PLXNA4: variants seen among roughly 807,000 people sequenced by gnomAD.
PLXNA4 encodes the protein plexin A4.
In PLXNA4, 44 loss-of-function variants were observed where a neutral mutation model predicts 191.8. The observed-to-expected ratio is 0.23, with a 90% CI of 0.18 to 0.29. The LOEUF (loss-of-function observed/expected upper bound fraction) is 0.29. Among genes scored for constraint, PLXNA4 ranks in the 10% least tolerant of loss-of-function variants. PLXNA4 has a pLI of 1.00. For missense variants in PLXNA4, 1,800 were observed against 2,488.8 expected, an observed-to-expected ratio of 0.72 and a Z score of 5.89; for synonymous variants, 1,082 against 1,009.5, an observed-to-expected ratio of 1.07 and a Z score of -1.36.
At chr7:132,229,900 C>A (rs536207620) in intron 5 of PLXNA4, among the ~76,000 whole-genome samples, 5 of 152,136 alleles carry the variant, frequency 3.3e-5, no homozygotes, top group African/African-American at 1.2e-4. Context: ...CTCCTCCTAA[C>A]CTTTGGCCAC....
chr7:132,256,963 G>A (rs1054792459), intron 4 of PLXNA4, among the ~76,000 whole-genome samples: 1 of 152,236 alleles, frequency 6.6e-6, no homozygotes, highest in Non-Finnish European at 1.5e-5. Context: ...CACAGCCATG[G>A]TTGCCTATGA....
intron 3 of PLXNA4, among the ~76,000 whole-genome samples, chr7:132,486,037 C>T (rs1233867625): frequency 6.6e-6 from 1 of 152,182 alleles, no homozygotes; most frequent in African/African-American, 2.4e-5. Flanking sequence ...AGCATCCCCC[C>T]AAGCTCTCTC....
intron 1 of PLXNA4, among the ~76,000 whole-genome samples, chr7:132,550,631 G>C (rs141428192): frequency 1.2e-3 from 179 of 152,264 alleles, no homozygotes; most frequent in Middle Eastern, 6.8e-3. Flanking sequence ...AGGCACCAAG[G>C]TCTGCTATAC....
At position 132,503,793 on chromosome 7, in the gene PLXNA4, G is replaced by A. The variant is rs557582178; in HGVS notation, c.1188+3713C>T. ...GTCCCCTGAGTCCCAAGACAATTGG[G>A]GCTCTGACAGACCCTCTAGGACCCC... On this transcript the variant is annotated intron_variant, in intron 2 of 31. Transcript: ENST00000321063. Among the ~76,000 whole-genome samples the A allele has an allele frequency of 5.3e-5, 8 of 152,274 alleles. No individual in the cohort carries two copies. In the South Asian group the frequency reaches 1.7e-3, roughly 32 times the overall value.
chr7:132,514,869 T>C (rs156973), intron 1 of PLXNA4, among the ~76,000 whole-genome samples: 62,542 of 151,934 alleles, frequency 0.41, 13,727 homozygotes, highest in African/African-American at 0.58. Flanking sequence ...CCAACTAATA[T>C]AGTCATGGTC....
intron 3 of PLXNA4, among the ~76,000 whole-genome samples, chr7:132,408,327 T>G (rs567845486): frequency 1.3e-5 from 2 of 152,264 alleles, no homozygotes; most frequent in South Asian, 4.1e-4. Flanking sequence ...AAAGGAAATA[T>G]TAATGATAGC....
At chr7:132,557,109 C>T (rs1800834729) in intron 1 of PLXNA4, among the ~76,000 whole-genome samples, 1 of 152,294 alleles carries the variant, frequency 6.6e-6, no homozygotes, top group East Asian at 1.9e-4. Flanking sequence ...GGGATGGGGG[C>T]TGCCCAGAAA....
chr7:132,599,070 T>C (rs1300415113), intron 2 of PLXNA4, among the ~76,000 whole-genome samples: 1 of 152,232 alleles, frequency 6.6e-6, no homozygotes, highest in Non-Finnish European at 1.5e-5. Flanking sequence ...ACTGTATATT[T>C]GCTCCCTATA....
At chr7:132,310,308 G>A (rs554572769) in intron 3 of PLXNA4, among the ~76,000 whole-genome samples, 6 of 152,332 alleles carry the variant, frequency 3.9e-5, no homozygotes, top group Admixed American at 6.5e-5. Flanking sequence ...ATACGTAGCC[G>A]TGCCTGGTTA....
In PLXNA4 at chr7:132,130,254, C is replaced by T. The variant is rs1206890312; in HGVS notation, c.*225G>A. On this transcript the variant is annotated 3_prime_UTR_variant, in exon 32 of 32. Coordinates refer to ENST00000321063, the MANE Select transcript of PLXNA4 (RefSeq NM_020911.2). ...ATGGGCCTGGCCATTCTTGGACTAA[C>T]TGAGGGTCAGTGGCTTGGTCCAATC... is the stretch of plus-strand genomic sequence containing the variant. 3 of 579,036 alleles carry T rather than the reference C, an allele frequency of 5.2e-6. No individual in the cohort carries two copies. In the African/African-American group the frequency reaches 5.6e-5, roughly 11 times the overall value. The allele number at this position is 579,036 out of a possible 1,614,324, so 35.9% of individuals were successfully genotyped here.
At chr7:132,165,089 G>T in intron 23 of PLXNA4, 45 bp downstream of exon 23, 1 of 1,599,838 alleles carries the variant, frequency 6.3e-7, no homozygotes, top group Non-Finnish European at 8.5e-7. Context: ...AGGCTGCAGA[G>T]AATGAACGAG....
chr7:132,449,065 T>A (rs1438113767), intron 3 of PLXNA4, among the ~76,000 whole-genome samples: 1 of 152,226 alleles, frequency 6.6e-6, no homozygotes, highest in Non-Finnish European at 1.5e-5. Context: ...TGATCAGATG[T>A]CAAGACTTTT....
chr7:132,221,650 A>G (rs1798149816), intron 9 of PLXNA4, among the ~76,000 whole-genome samples: 1 of 152,304 alleles, frequency 6.6e-6, no homozygotes, highest in African/African-American at 2.4e-5. Context: ...TGTCTTTGTT[A>G]AAGTAGAGAA....
chr7:132,548,683 C>G (rs908241856), intron 1 of PLXNA4, among the ~76,000 whole-genome samples: 2 of 152,190 alleles, frequency 1.3e-5, no homozygotes, highest in Non-Finnish European at 2.9e-5. Flanking sequence ...AGTGTTTGAA[C>G]CAGAGTGACT....
At chr7:132,604,289 T>C (rs2116844305) in intron 2 of PLXNA4, among the ~76,000 whole-genome samples, 1 of 152,272 alleles carries the variant, frequency 6.6e-6, no homozygotes, top group South Asian at 2.1e-4. Flanking sequence ...GGGGACCCTG[T>C]GCTCTGCCAA....
chr7:132,309,766 G>T (rs574251718), intron 3 of PLXNA4, among the ~76,000 whole-genome samples: 2 of 152,136 alleles, frequency 1.3e-5, no homozygotes, highest in East Asian at 3.8e-4. Context: ...AGAGAAACCC[G>T]GGAATCCAGG....
chr7:132,443,944 TA>T (rs1339317424), intron 3 of PLXNA4, among the ~76,000 whole-genome samples: 1 of 152,248 alleles, frequency 6.6e-6, no homozygotes, highest in Non-Finnish European at 1.5e-5. Context: ...CATTCAGTGC[TA>T]AAACACTGTC....
chr7:132,224,429 C>T (rs755437296), intron 8 of PLXNA4, among the ~76,000 whole-genome samples: 13 of 152,118 alleles, frequency 8.5e-5, no homozygotes, highest in East Asian at 1.9e-4. Context: ...TGACATCTCT[C>T]GGACAGTCCT....
chr7:132,596,343 G>C (rs779938007), intron 2 of PLXNA4, among the ~76,000 whole-genome samples: 11 of 152,190 alleles, frequency 7.2e-5, no homozygotes, highest in Admixed American at 1.3e-4. Flanking sequence ...GATCTTCCAG[G>C]CCTCTCTCTC....
Sources: allele counts gnomAD v4.1 joint callset (sites outside exome capture counted in the v4.1 genomes callset), GRCh38; gene constraint gnomAD v4.1.1; transcripts MANE v1.5; gene names NCBI Gene and HGNC (gene_info 2026-07-23, HGNC 2026-07-21).